Variants in PTPN13 observed in about 807,000 individuals in gnomAD.
The protein encoded by PTPN13 is protein tyrosine phosphatase non-receptor type 13, also known as tyrosine-protein phosphatase non-receptor type 13.
In PTPN13, 191 loss-of-function variants were observed where a neutral mutation model predicts 284.0. The ratio of observed to expected loss-of-function variants is 0.67; its 90% CI spans 0.60 to 0.76. The LOEUF (loss-of-function observed/expected upper bound fraction) is 0.76. PTPN13 is among the 30% of genes least tolerant of loss of function. The probability of loss-of-function intolerance (pLI) is 0.00; values close to 1 mark genes in which losing one functional copy is unlikely to be tolerated. For missense variants in PTPN13, 2,797 were observed against 2,939.9 expected, an observed-to-expected ratio of 0.95 and a Z score of 1.12; for synonymous variants, 986 against 1,022.3, an observed-to-expected ratio of 0.96 and a Z score of 0.68.
At chr4:86,701,886 A>G (rs1431630885) in intron 7 of PTPN13, 85 bp downstream of exon 7, 7 of 1,326,990 alleles carry the variant, frequency 5.3e-6, no homozygotes, top group Admixed American at 5.6e-5. Flanking sequence ...AAATTATTCC[A>G]CAAGTCTTAT....
intron 3 of PTPN13, among the ~76,000 whole-genome samples, chr4:86,679,776 A>G (rs976216075): frequency 1.3e-5 from 2 of 152,224 alleles, no homozygotes; most frequent in African/African-American, 4.8e-5. Context: ...ATCAGACTGC[A>G]GTGTCTCACC....
intron 5 of PTPN13, among the ~76,000 whole-genome samples, chr4:86,693,028 G>A (rs1179638501): frequency 2.1e-5 from 3 of 143,466 alleles, no homozygotes; most frequent in African/African-American, 7.8e-5. Context: ...GCAGTGAACC[G>A]AGGTCCTCCA....
At chr4:86,616,477 C>T (rs546841534) in intron 1 of PTPN13, among the ~76,000 whole-genome samples, 9 of 150,314 alleles carry the variant, frequency 6.0e-5, no homozygotes, top group South Asian at 2.1e-4. Flanking sequence ...GCCCAAATCT[C>T]ATCCTGACAT....
intron 1 of PTPN13, among the ~76,000 whole-genome samples, chr4:86,610,045 C>G (rs926806277): frequency 3.3e-5 from 5 of 152,024 alleles, no homozygotes; most frequent in African/African-American, 1.2e-4. Flanking sequence ...GAAACCCCAT[C>G]TCTACTAAAA....
chr4:86,770,324 T>C (rs1220682947), intron 30 of PTPN13, 125 bp downstream of exon 30: 2 of 785,570 alleles, frequency 2.5e-6, no homozygotes, highest in East Asian at 2.7e-5. Flanking sequence ...TTGTTTTAGG[T>C]AGGCATGTTA....
At chr4:86,714,711 A>G (rs963244824) in intron 7 of PTPN13, among the ~76,000 whole-genome samples, 8 of 152,192 alleles carry the variant, frequency 5.3e-5, no homozygotes, top group African/African-American at 1.4e-4. Context: ...AAGGTCACCA[A>G]TGACCTTTAT....
At position 86,606,101 on chromosome 4, in the gene PTPN13, G is replaced by T. The variant is rs904156924; in HGVS notation, c.-6+11312G>T. On this transcript the variant is annotated intron_variant, in intron 1 of 47. Transcript: ENST00000411767. ...GATTTTTTTAGTAGTTTCTAAATTT[G>T]CTCAATAAGCCAACTATTGATTGAA... Among the ~76,000 whole-genome samples, 5 of 151,806 alleles carry T rather than the reference G, an allele frequency of 3.3e-5. No individual in the cohort carries two copies. The East Asian group carries it at 9.6e-4, about 29-fold the overall frequency.
chr4:86,805,636 C>T (rs886832769), intron 44 of PTPN13, among the ~76,000 whole-genome samples: 13 of 152,178 alleles, frequency 8.5e-5, no homozygotes, highest in African/African-American at 2.6e-4. Flanking sequence ...AGAAATTAGT[C>T]GGTGATGCCA....
chr4:86,764,561 C>T (rs959291363), intron 24 of PTPN13, 32 bp from the exon 25 acceptor site: 6 of 1,360,136 alleles, frequency 4.4e-6, no homozygotes, highest in Admixed American at 3.5e-5. Context: ...TTGACTCTAA[C>T]AAGAAATCTT....
chr4:86,734,758 G>T lies in PTPN13; in HGVS notation c.2034G>T (p.Gln678His), dbSNP rs1735307330. 3.1e-6 allele frequency: 5 copies of T among 1,613,052 alleles called. No homozygotes were observed. Among genetic ancestry groups the T allele is most frequent in the Non-Finnish European group, 2.5e-6 (3 of 1,179,296 alleles). ...TCAGACATACTCTGACGTGTCATCA[G>T]TATTACCTTCAGCTTCGAAAAGATA... Reference protein sequence around the residue: ...SLIQHTLTCHQYYLQLRKDIL... With the variant: ...SLIQHTLTCHHYYLQLRKDIL... The change falls in exon 14 of 48, where the codon CAG (glutamine) becomes CAT (histidine). Residue 678 changes from glutamine (Q) to histidine (H), a missense_variant. Coordinates refer to ENST00000411767, the MANE Select transcript of PTPN13 (RefSeq NM_080683.3).
intron 1 of PTPN13, among the ~76,000 whole-genome samples, chr4:86,619,938 A>G (rs929192099): frequency 9.2e-5 from 14 of 151,998 alleles, no homozygotes; most frequent in African/African-American, 2.7e-4. Flanking sequence ...CATATTCAAT[A>G]ACATTATTGT....
intron 40 of PTPN13, among the ~76,000 whole-genome samples, chr4:86,791,042 C>T (rs1218913188): frequency 2.6e-5 from 4 of 152,068 alleles, no homozygotes; most frequent in Non-Finnish European, 5.9e-5. Context: ...GGTGGGGCGT[C>T]GCCTCACACG....
intron 2 of PTPN13, among the ~76,000 whole-genome samples, chr4:86,663,950 T>C (rs1277162163): frequency 6.6e-6 from 1 of 152,198 alleles, no homozygotes; most frequent in Non-Finnish European, 1.5e-5. Context: ...TACCAGTTAA[T>C]TGACATATAA....
intron 2 of PTPN13, among the ~76,000 whole-genome samples, chr4:86,638,879 C>CACCTACCATCTGT (rs1357350587): frequency 6.6e-6 from 1 of 152,140 alleles, no homozygotes; most frequent in Non-Finnish European, 1.5e-5. Flanking sequence ...AAACTACCAT[C>CACCTACCATCTGT]AGGGTGAACA....
At chr4:86,788,336 T>C (rs968853126) in intron 40 of PTPN13, among the ~76,000 whole-genome samples, 5 of 152,174 alleles carry the variant, frequency 3.3e-5, no homozygotes, top group Non-Finnish European at 5.9e-5. Flanking sequence ...TGGCTAGTTT[T>C]AAAAATTATT....
Position 86,814,771 on chromosome 4 carries a change from A to G in PTPN13, c.*220A>G. The stretch of plus-strand genomic sequence containing the variant: ...TAATTATTTACAAAATTTTAACACT[A>G]ACCAAACAATGCAGATCTTAGGGAT... On this transcript the variant is annotated 3_prime_UTR_variant, in exon 48 of 48. Transcript: ENST00000411767. The G allele has an allele frequency of 2.2e-6, 1 of 461,540 alleles. No individual in the cohort carries two copies. The highest frequency in any genetic ancestry group is 3.9e-6 in the Non-Finnish European group (1 of 256,050). 28.6% of individuals were successfully genotyped at this position (461,540 alleles called of 1,614,324 possible). A position where few individuals can be genotyped will look rare whatever the true frequency, so the allele number is the denominator to read the frequency against.
At chr4:86,626,105 T>C (rs954653411) in intron 1 of PTPN13, among the ~76,000 whole-genome samples, 18 of 152,124 alleles carry the variant, frequency 1.2e-4, no homozygotes, top group African/African-American at 4.3e-4. Flanking sequence ...AAATGTGAAA[T>C]TAGAGATTTC....
At chr4:86,783,995 C>T (rs1741623398) in intron 37 of PTPN13, among the ~76,000 whole-genome samples, 1 of 151,806 alleles carries the variant, frequency 6.6e-6, no homozygotes, top group African/African-American at 2.4e-5. Flanking sequence ...AGACTATATC[C>T]ATGTAATACA....
chr4:86,725,922 G>C (rs1383949806), intron 10 of PTPN13, among the ~76,000 whole-genome samples: 1 of 149,502 alleles, frequency 6.7e-6, no homozygotes, highest in Non-Finnish European at 1.5e-5. Context: ...GTATTGCCTA[G>C]GTTTTCTTCT....
Sources: allele counts gnomAD v4.1 joint callset (sites outside exome capture counted in the v4.1 genomes callset), GRCh38; gene constraint gnomAD v4.1.1; transcripts MANE v1.5; gene names NCBI Gene and HGNC (gene_info 2026-07-23, HGNC 2026-07-21).